COL15A1: variants seen among roughly 807,000 people sequenced by gnomAD.
COL15A1 encodes collagen alpha-1(XV) chain.
Under a neutral mutation model 165.9 loss-of-function variants are expected in COL15A1, and 111 were observed. The ratio of observed to expected loss-of-function variants is 0.67; its 90% CI spans 0.57 to 0.78. The LOEUF (loss-of-function observed/expected upper bound fraction) is 0.78. COL15A1 is among the 30% of genes least tolerant of loss of function. COL15A1 has a pLI of 0.00. For synonymous variants in COL15A1, 659 were observed against 674.8 expected, an observed-to-expected ratio of 0.98 and a Z score of 0.36; for missense variants, 1,745 against 1,789.7, an observed-to-expected ratio of 0.98 and a Z score of 0.45.
intron 32 of COL15A1, 58 bp downstream of exon 32, chr9:99,054,714 C>G (rs564754322): frequency 6.5e-7 from 1 of 1,546,994 alleles, no homozygotes; most frequent in Non-Finnish European, 8.8e-7. Flanking sequence ...AGAACAAATG[C>G]GACTGAGAAA....
chr9:99,020,548 G>A, intron 12 of COL15A1, 106 bp downstream of exon 12: 5 of 781,700 alleles, frequency 6.4e-6, no homozygotes, highest in Non-Finnish European at 1.1e-5. Context: ...GATCGCAGAA[G>A]CAGCAAGAGG....
intron 9 of COL15A1, among the ~76,000 whole-genome samples, chr9:99,010,412 C>T (rs951635402): frequency 2.0e-5 from 3 of 152,196 alleles, no homozygotes; most frequent in African/African-American, 7.2e-5. Flanking sequence ...GGGAAACTTG[C>T]CTCTTGTGGA....
At chr9:98,950,580 CT>C (rs1388914996) in intron 2 of COL15A1, among the ~76,000 whole-genome samples, 6 of 123,392 alleles carry the variant, frequency 4.9e-5, no homozygotes, top group East Asian at 5.1e-4. Context: ...TCCTTCCTTC[CT>C]TCCTTCCTTC....
intron 2 of COL15A1, among the ~76,000 whole-genome samples, chr9:98,967,779 T>A (rs1837981838): frequency 6.6e-6 from 1 of 152,164 alleles, no homozygotes; most frequent in Admixed American, 6.5e-5. Context: ...TGTCTCCAGG[T>A]CCATGACTGC....
At chr9:99,054,414 C>G (rs553495202) in intron 31 of COL15A1, among the ~76,000 whole-genome samples, 162 bp from the exon 32 acceptor site, 1 of 152,304 alleles carries the variant, frequency 6.6e-6, no homozygotes, top group East Asian at 1.9e-4. Flanking sequence ...AAGCATCTAC[C>G]TCTGCCCTCT....
chr9:99,022,769 T>C (rs1297182477), intron 13 of COL15A1, among the ~76,000 whole-genome samples: 1 of 152,222 alleles, frequency 6.6e-6, no homozygotes, highest in Non-Finnish European at 1.5e-5. Flanking sequence ...CTGGTTCCTG[T>C]CTTCAGGAGT....
Position 99,044,611 on chromosome 9 carries a change from C to T in COL15A1, c.2618C>T (p.Pro873Leu). The T allele has an allele frequency of 1.2e-6, 2 of 1,614,098 alleles. No individual in the cohort carries two copies. Among genetic ancestry groups the T allele is most frequent in the Non-Finnish European group, 1.7e-6 (2 of 1,180,020 alleles). Residue 873 changes from proline (P) to leucine (L), a missense_variant, in exon 25 of 42, where the codon CCT (proline) becomes CTT (leucine). Pro to Leu is a moderately conservative substitution (Grantham distance 98, BLOSUM62 -3). Transcript: ENST00000375001. Reference sequence around the variant, plus strand: ...GGTGCCATCCTGACAGAGGACATTCCTCTGGAAAGGCTGATGGGGAAAAAG... The same window carrying T: ...GGTGCCATCCTGACAGAGGACATTCTTCTGGAAAGGCTGATGGGGAAAAAG... ...EPGAILTEDI[P>L]LERLMGKKGE...
chr9:98,999,296 A>C (rs1838605834), intron 6 of COL15A1, among the ~76,000 whole-genome samples: 1 of 152,016 alleles, frequency 6.6e-6, no homozygotes, highest in African/African-American at 2.4e-5. Context: ...AATAATACTG[A>C]GGTATTGATG....
chr9:99,006,239 A>G (rs1838760066), intron 9 of COL15A1, among the ~76,000 whole-genome samples: 1 of 152,244 alleles, frequency 6.6e-6, no homozygotes, highest in Admixed American at 6.5e-5. Context: ...TGTAGTTGAT[A>G]ATGAACTTGG....
Position 99,003,481 on chromosome 9 carries a change from C to T in COL15A1, c.1094C>T (p.Ala365Val). The T allele has an allele frequency of 6.5e-7, 1 of 1,536,764 alleles. No individual in the cohort carries two copies. Among genetic ancestry groups the T allele is most frequent in the Non-Finnish European group, 8.8e-7 (1 of 1,140,834 alleles). ...KNLAATAAGL[A>V]EVPISTAGEA... The stretch of plus-strand genomic sequence containing the variant: ...TTAGCAGCAACAGCAGCGGGGCTGG[C>T]CGAGGTGCCCATCAGCACTGCTGGA... The change falls in exon 8 of 42, where the codon GCC (alanine) becomes GTC (valine). Residue 365 changes from alanine to valine, a missense_variant. Transcript: ENST00000375001.
At chr9:98,963,229 C>A in intron 2 of COL15A1, among the ~76,000 whole-genome samples, 1 of 152,134 alleles carries the variant, frequency 6.6e-6, no homozygotes, top group East Asian at 1.9e-4. Context: ...ATTTATGCAC[C>A]TTAGGTAGCT....
At chr9:99,026,664 G>T (rs1033673196) in intron 16 of COL15A1, among the ~76,000 whole-genome samples, 5 of 152,190 alleles carry the variant, frequency 3.3e-5, no homozygotes, top group African/African-American at 1.2e-4. Flanking sequence ...CTTTGCACAT[G>T]GTTTTCTCCC....
At chr9:98,978,670 A>C (rs1208525371) in intron 2 of COL15A1, among the ~76,000 whole-genome samples, 4 of 152,102 alleles carry the variant, frequency 2.6e-5, no homozygotes, top group Admixed American at 2.6e-4. Flanking sequence ...GATAAGCTGT[A>C]TCTGAGTGAG....
At chr9:99,026,443 C>G (rs908742088) in intron 16 of COL15A1, among the ~76,000 whole-genome samples, 2 of 152,220 alleles carry the variant, frequency 1.3e-5, no homozygotes, top group Non-Finnish European at 2.9e-5. Flanking sequence ...CTGTAGCAGG[C>G]TCTCGTCAGC....
intron 6 of COL15A1, among the ~76,000 whole-genome samples, chr9:99,000,375 C>T (rs1011688148): frequency 6.6e-6 from 1 of 151,804 alleles, no homozygotes; most frequent in African/African-American, 2.4e-5. Flanking sequence ...ATCATTATTA[C>T]ATAACATGAA....
chr9:99,006,849 A>C (rs1404710625), intron 9 of COL15A1, among the ~76,000 whole-genome samples: 1 of 152,202 alleles, frequency 6.6e-6, no homozygotes, highest in African/African-American at 2.4e-5. Flanking sequence ...GGTCCTAGTT[A>C]CTGGAGGTGT....
At chr9:98,954,822 CA>C (rs1436229200) in intron 2 of COL15A1, among the ~76,000 whole-genome samples, 1 of 152,162 alleles carries the variant, frequency 6.6e-6, no homozygotes, top group African/African-American at 2.4e-5. Flanking sequence ...GTCTCTAACC[CA>C]AAAGGAGCAA....
rs750948894 is a variant in COL15A1 at position 99,004,992 on chromosome 9, C to A, written c.1295C>A (p.Ala432Asp). 1.2e-6 allele frequency: 2 copies of A among 1,613,618 alleles called. No individual in the cohort carries two copies. Among genetic ancestry groups the A allele is most frequent in the African/African-American group, 2.7e-5 (2 of 74,892 alleles). The change falls in exon 9 of 42, where the codon GCC becomes GAC. Residue 432 changes from alanine to aspartate, a missense_variant. Ala to Asp is a moderately radical substitution (Grantham distance 126, BLOSUM62 -2). Coordinates refer to ENST00000375001, the MANE Select transcript of COL15A1 (RefSeq NM_001855.5). ...GGGGAAGTGGAGGCCAGTGGTGTGG[C>A]CCCCGGGGAGCTGGACCTCTCCATG... ...MPGEVEASGV[A>D]PGELDLSMSA...
intron 4 of COL15A1, among the ~76,000 whole-genome samples, chr9:98,988,829 A>C (rs1177037611): frequency 1.3e-5 from 2 of 152,120 alleles, no homozygotes; most frequent in South Asian, 2.1e-4. Context: ...AGGCTGCGGC[A>C]GGAGAATCGT....
Sources: allele counts gnomAD v4.1 joint callset (sites outside exome capture counted in the v4.1 genomes callset), GRCh38; gene constraint gnomAD v4.1.1; transcripts MANE v1.5; gene names NCBI Gene and HGNC (gene_info 2026-07-23, HGNC 2026-07-21).